The following PARD3B variants were observed in gnomAD, a reference collection of about 807,000 sequenced individuals.
PARD3B encodes the protein partitioning defective 3 homolog B.
Under a neutral mutation model 130.2 loss-of-function variants are expected in PARD3B, and 103 were observed. The ratio of observed to expected loss-of-function variants is 0.79; its 90% CI spans 0.67 to 0.93. PARD3B has a LOEUF of 0.93. Ranked by LOEUF, PARD3B falls within the 40% of genes least tolerant of loss-of-function variation. The pLI, the probability that PARD3B is intolerant of heterozygous loss-of-function variation, is 0.00. For synonymous variants in PARD3B, 583 were observed against 553.2 expected (o/e 1.05, Z -0.76); for missense variants, 1,609 against 1,499.2 (o/e 1.07, Z -1.21).
chr2:204,850,294 G>T (rs1236378953), intron 2 of PARD3B, among the ~76,000 whole-genome samples: 2 of 152,100 alleles, frequency 1.3e-5, no homozygotes, highest in African/African-American at 2.4e-5. Flanking sequence ...TGGGAAATGA[G>T]TACCTCATAA....
chr2:205,034,899 C>T (rs1444926392), intron 3 of PARD3B, among the ~76,000 whole-genome samples: 2 of 151,996 alleles, frequency 1.3e-5, no homozygotes, highest in Non-Finnish European at 2.9e-5. Flanking sequence ...CTCTGTCACC[C>T]AGACTGGAGT....
At chr2:204,870,577 T>G (rs1392428769) in intron 2 of PARD3B, among the ~76,000 whole-genome samples, 1 of 152,150 alleles carries the variant, frequency 6.6e-6, no homozygotes, top group Admixed American at 6.6e-5. Context: ...CCTGGTTGAT[T>G]AAGGTCATCT....
At chr2:205,425,498 G>A (rs894631317) in intron 19 of PARD3B, among the ~76,000 whole-genome samples, 5 of 150,400 alleles carry the variant, frequency 3.3e-5, no homozygotes, top group Admixed American at 2.0e-4. Context: ...AATGCAACTC[G>A]TAGGTAGGAA....
intron 1 of PARD3B, among the ~76,000 whole-genome samples, chr2:204,629,684 A>C (rs1316251826): frequency 6.6e-6 from 1 of 152,128 alleles, no homozygotes; most frequent in Non-Finnish European, 1.5e-5. Flanking sequence ...TAAGATTTTT[A>C]CCTGAAGTAT....
At chr2:204,995,705 C>T (rs1228327954) in intron 3 of PARD3B, among the ~76,000 whole-genome samples, 6 of 109,674 alleles carry the variant, frequency 5.5e-5, no homozygotes, top group Middle Eastern at 4.0e-3. Context: ...CTCCACATCA[C>T]TTTCAGGTAC....
chr2:205,257,563 G>A (rs2040142954), intron 16 of PARD3B, among the ~76,000 whole-genome samples: 1 of 151,866 alleles, frequency 6.6e-6, no homozygotes, highest in Admixed American at 6.6e-5. Flanking sequence ...TATTTTAAAT[G>A]GTTTATATGG....
chr2:205,083,075 A>G (rs1701520593), intron 4 of PARD3B, among the ~76,000 whole-genome samples: 1 of 151,932 alleles, frequency 6.6e-6, no homozygotes, highest in Admixed American at 6.6e-5. Flanking sequence ...GCACACTACC[A>G]TGCCTGGCTA....
chr2:205,568,934 G>A lies in PARD3B; in HGVS notation c.3260+15531G>A, dbSNP rs1221148170. 1.3e-5 allele frequency among the ~76,000 whole-genome samples: 2 copies of A among 152,128 alleles called. No homozygotes were observed. Among genetic ancestry groups the A allele is most frequent in the Non-Finnish European group, 2.9e-5 (2 of 68,030 alleles). Reference sequence around the variant, plus strand: ...AAACAGGCTACAGGATAAATTCCTAGCATGTAATTACCAGGTCAAAGAATG... The same window carrying A: ...AAACAGGCTACAGGATAAATTCCTAACATGTAATTACCAGGTCAAAGAATG... On this transcript the variant is annotated intron_variant, in intron 22 of 22. Transcript: ENST00000406610. The surrounding 1 kb of genome is among the most constrained non-coding windows in gnomAD (Gnocchi z 5.3).
chr2:204,633,628 A>G (rs112177093), intron 1 of PARD3B, among the ~76,000 whole-genome samples: 2 of 152,188 alleles, frequency 1.3e-5, no homozygotes, highest in African/African-American at 4.8e-5. Flanking sequence ...TCTGGCCAAC[A>G]TGATGAAACC....
At position 205,352,957 on chromosome 2, in the gene PARD3B, T is replaced by C. The variant is rs1210298826; in HGVS notation, c.2631-48056T>C. On this transcript the variant is annotated intron_variant, in intron 18 of 22. Coordinates refer to ENST00000406610, the MANE Select transcript of PARD3B (RefSeq NM_001302769.2). The surrounding 1 kb of genome is among the most constrained non-coding windows in gnomAD (Gnocchi z 5.2). The stretch of plus-strand genomic sequence containing the variant: ...TTCATCTTTCTGTTTTTCAGAAGTC[T>C]CCCCCAAAATGTTTTGAGACAAAAA... 6.6e-6 allele frequency among the ~76,000 whole-genome samples: 1 copy of C among 152,128 alleles called. No homozygotes were observed. Among genetic ancestry groups the C allele is most frequent in the East Asian group, 1.9e-4 (1 of 5,188 alleles).
chr2:204,721,853 C>T (rs2039011794), intron 2 of PARD3B, among the ~76,000 whole-genome samples: 1 of 152,006 alleles, frequency 6.6e-6, no homozygotes, highest in Non-Finnish European at 1.5e-5. Flanking sequence ...AATAAGTATG[C>T]ATTTCTTGAC....
At chr2:205,151,939 G>T (rs556511326) in intron 10 of PARD3B, among the ~76,000 whole-genome samples, 2 of 152,302 alleles carry the variant, frequency 1.3e-5, no homozygotes, top group Non-Finnish European at 2.9e-5. Flanking sequence ...TTCAGGAGCT[G>T]TTGTAAGGCA....
chr2:204,960,806 G>A (rs1054527776), intron 2 of PARD3B, among the ~76,000 whole-genome samples: 1 of 152,098 alleles, frequency 6.6e-6, no homozygotes, highest in African/African-American at 2.4e-5. Context: ...AATAAGAAGA[G>A]CTGTGATGCT....
intron 20 of PARD3B, among the ~76,000 whole-genome samples, chr2:205,471,359 T>TTC (rs1475544786): frequency 1.4e-5 from 2 of 146,122 alleles, no homozygotes; most frequent in African/African-American, 5.1e-5. Flanking sequence ...TTTTCTTTTT[T>TTC]TTTTTTTTTT....
chr2:205,055,399 C>T (rs749739911), intron 4 of PARD3B, among the ~76,000 whole-genome samples: 22 of 152,112 alleles, frequency 1.4e-4, no homozygotes, highest in Non-Finnish European at 2.8e-4. Flanking sequence ...AGAACATTTA[C>T]GACGTGTTTC....
intron 2 of PARD3B, among the ~76,000 whole-genome samples, chr2:204,718,849 A>G (rs547123630): frequency 6.6e-6 from 1 of 152,318 alleles, no homozygotes; most frequent in African/African-American, 2.4e-5. Flanking sequence ...CAGTCACATG[A>G]CATGTAACCC....
intron 3 of PARD3B, among the ~76,000 whole-genome samples, chr2:204,998,137 G>T (rs1458669513): frequency 1.3e-5 from 2 of 148,846 alleles, no homozygotes; most frequent in East Asian, 2.0e-4. Context: ...GAGAAGACAC[G>T]GGGAGGGGAA....
intron 21 of PARD3B, among the ~76,000 whole-genome samples, chr2:205,505,078 A>C (rs1367737221): frequency 6.6e-6 from 1 of 152,234 alleles, no homozygotes; most frequent in Admixed American, 6.5e-5. Flanking sequence ...TGATGAGTTC[A>C]TGTCGTTTGT....
At chr2:205,194,763 T>G (rs2125810048) in intron 15 of PARD3B, among the ~76,000 whole-genome samples, 1 of 151,986 alleles carries the variant, frequency 6.6e-6, no homozygotes, top group East Asian at 1.9e-4. Context: ...AATATTTTTG[T>G]TTACATTTTA....
Sources: allele counts gnomAD v4.1 joint callset (sites outside exome capture counted in the v4.1 genomes callset), GRCh38; gene constraint gnomAD v4.1.1; non-coding constraint Gnocchi (gnomAD v3.1); transcripts MANE v1.5; gene names NCBI Gene and HGNC (gene_info 2026-07-23, HGNC 2026-07-21).